The following SEL1L3 variants were observed in gnomAD, a reference collection of about 807,000 sequenced individuals.
The protein encoded by SEL1L3 is SEL1L family member 3.
A neutral mutation model predicts 142.8 loss-of-function variants in SEL1L3; 76 were observed. The ratio of observed to expected loss-of-function variants is 0.53; its 90% CI spans 0.44 to 0.64. SEL1L3 has a LOEUF of 0.64. SEL1L3 is among the 30% of genes least tolerant of loss of function. The pLI, the probability that SEL1L3 is intolerant of heterozygous loss-of-function variation, is 0.00. For synonymous variants in SEL1L3, 504 were observed against 519.6 expected (o/e 0.97, Z 0.41); for missense variants, 1,262 against 1,381.7 (o/e 0.91, Z 1.37).
chr4:25,805,330 T>C (rs1341824332), intron 9 of SEL1L3, among the ~76,000 whole-genome samples: 2 of 152,200 alleles, frequency 1.3e-5, no homozygotes. Flanking sequence ...GGTACACTTT[T>C]ATAAGGTCGG....
At chr4:25,772,183 C>T (rs956764745) in intron 17 of SEL1L3, among the ~76,000 whole-genome samples, 7 of 152,152 alleles carry the variant, frequency 4.6e-5, no homozygotes, top group Admixed American at 2.6e-4. Context: ...GGCTTGAAAG[C>T]TTGGAGAGCA....
rs71184268 is a variant in SEL1L3, at chr4:25,846,912, CAA to C, written c.733+380_733+381del. 4.2e-4 allele frequency among the ~76,000 whole-genome samples: 30 copies of C among 71,796 alleles called. No homozygotes were observed. The East Asian group carries it at 9.7e-3, about 23-fold the overall frequency. The allele number at this position is 71,796 out of a possible 152,430, so 47.1% of individuals were successfully genotyped here. On this transcript the variant is annotated intron_variant, in intron 2 of 23. Transcript: ENST00000399878. Reference sequence around the variant, plus strand: ...TGGGCAACAGAACAAGACTCCATCTCAAAAAAAAAAAAAAAAAAAAAAGAGGA... The same window carrying C: ...TGGGCAACAGAACAAGACTCCATCTCAAAAAAAAAAAAAAAAAAAAGAGGA...
At chr4:25,784,018 C>T (rs953731243) in intron 14 of SEL1L3, among the ~76,000 whole-genome samples, 14 of 152,160 alleles carry the variant, frequency 9.2e-5, no homozygotes, top group Non-Finnish European at 1.9e-4. Context: ...AATTTTGCTG[C>T]CCCCATTGTG....
At chr4:25,761,130 G>A (rs1430726736) in intron 20 of SEL1L3, among the ~76,000 whole-genome samples, 1 of 152,128 alleles carries the variant, frequency 6.6e-6, no homozygotes, top group Non-Finnish European at 1.5e-5. Context: ...CTCTTTGAAA[G>A]GAAGGCACTC....
intron 6 of SEL1L3, among the ~76,000 whole-genome samples, chr4:25,827,885 A>G (rs1577666336): frequency 6.6e-6 from 1 of 150,608 alleles, no homozygotes; most frequent in African/African-American, 2.4e-5. Context: ...TGAAACAAAA[A>G]CCTTTAATTT....
intron 11 of SEL1L3, among the ~76,000 whole-genome samples, chr4:25,792,108 G>C (rs1004059812): frequency 6.6e-6 from 1 of 152,140 alleles, no homozygotes; most frequent in African/African-American, 2.4e-5. Flanking sequence ...GCTAACCTGA[G>C]GAGGCCACCA....
rs59037721 is a variant in SEL1L3 at position 25,759,163 on chromosome 4, AT to A, written c.2956-96del. 3.3e-3 allele frequency: 4,589 copies of A among 1,399,924 alleles called. 110 individuals carry two copies. In the African/African-American group the frequency reaches 0.051, roughly 16 times the overall value. 86.7% of individuals were successfully genotyped at this position (1,399,924 alleles called of 1,614,324 possible). ...AATGTAAATGTTTACAACCTCTAAA[AT>A]TTTTTTTAAGTCTCTAGAGCCAGAT... On this transcript the variant is annotated intron_variant, in intron 20 of 23. Transcript: ENST00000399878.
chr4:25,730,517 A>G, the SEL1L3 span, among the ~76,000 whole-genome samples: 1 of 152,058 alleles, frequency 6.6e-6, no homozygotes, highest in Non-Finnish European at 1.5e-5. Flanking sequence ...CATACGCACA[A>G]TTCCTCTGTA....
chr4:25,860,545 C>T (rs1200313733), intron 1 of SEL1L3: 1 of 152,206 alleles, frequency 6.6e-6, no homozygotes, highest in Non-Finnish European at 1.5e-5. Flanking sequence ...AGTGTAGACC[C>T]AAGAGCAACA....
chr4:25,855,779 T>C (rs112777310), intron 1 of SEL1L3, among the ~76,000 whole-genome samples: 6,108 of 151,464 alleles, frequency 0.04, 411 homozygotes, highest in African/African-American at 0.14. Flanking sequence ...AAAAAAGCAC[T>C]GGGCATGGGC....
Position 25,790,439 on chromosome 4 carries a change from T to A in SEL1L3, c.2076+16A>T. The stretch of plus-strand genomic sequence containing the variant: ...ATGGCTGACAGAATCCCCAAGACAG[T>A]AGCCTGCGTTTTTACCTGAGCTGCT... On this transcript the variant is annotated intron_variant, in intron 12 of 23. Transcript: ENST00000399878. 1 of 1,613,298 alleles carries A rather than the reference T, an allele frequency of 6.2e-7. No homozygotes were observed. Among genetic ancestry groups the A allele is most frequent in the Non-Finnish European group, 8.5e-7 (1 of 1,179,388 alleles).
At chr4:25,731,911 A>G in the SEL1L3 span, among the ~76,000 whole-genome samples, 2 of 152,062 alleles carry the variant, frequency 1.3e-5, no homozygotes, top group East Asian at 1.9e-4. Flanking sequence ...CATCTCTACT[A>G]AAAATACAAA....
At chr4:25,834,172 C>A (rs1715620864) in intron 3 of SEL1L3, among the ~76,000 whole-genome samples, 1 of 152,204 alleles carries the variant, frequency 6.6e-6, no homozygotes, top group Non-Finnish European at 1.5e-5. Context: ...CATTCCTGGA[C>A]TGGGGCTATT....
chr4:25,847,836 G>C lies in SEL1L3; in HGVS notation c.191C>G (p.Thr64Ser). ...GGGTATCACTGATGTCGTCAGGGAA[G>C]TCTGCCTACCCAAAGATGGTACAAC... ...LNVVPSLGRQTSLTTSVIPKA... is the reference protein window; with the variant it reads ...LNVVPSLGRQSSLTTSVIPKA... The change falls in exon 2 of 24, where the codon ACT (threonine) becomes AGT (serine). Residue 64 changes from threonine to serine, a missense_variant. Thr to Ser is a moderately conservative substitution (Grantham distance 58, BLOSUM62 1). Around this residue, in one of 3 missense-constraint regions of SEL1L3, gnomAD observed 689 missense variants for 692.8 expected, o/e 0.99. Coordinates refer to ENST00000399878, the MANE Select transcript of SEL1L3 (RefSeq NM_015187.5). 1 of 1,584,266 alleles carries C rather than the reference G, an allele frequency of 6.3e-7. No individual in the cohort carries two copies. The highest frequency in any genetic ancestry group is 8.6e-7 in the Non-Finnish European group (1 of 1,167,440).
At chr4:25,801,017 G>A (rs910437587) in intron 11 of SEL1L3, among the ~76,000 whole-genome samples, 1 of 152,228 alleles carries the variant, frequency 6.6e-6, no homozygotes, top group African/African-American at 2.4e-5. Context: ...CCAGGGGTCT[G>A]GTTCCCAGTC....
At chr4:25,856,657 C>A (rs1717289423) in intron 1 of SEL1L3, among the ~76,000 whole-genome samples, 2 of 150,032 alleles carry the variant, frequency 1.3e-5, no homozygotes, top group African/African-American at 4.9e-5. Flanking sequence ...TAGAAGACCC[C>A]AAATAGGAGA....
At chr4:25,734,457 G>A in the SEL1L3 span, among the ~76,000 whole-genome samples, 13 of 152,158 alleles carry the variant, frequency 8.5e-5, no homozygotes, top group African/African-American at 1.9e-4. Flanking sequence ...TAATTATATC[G>A]ATTGGTTTTA....
chr4:25,833,496 C>A lies in SEL1L3; in HGVS notation c.934G>T (p.Asp312Tyr). 1.2e-6 allele frequency: 2 copies of A among 1,612,990 alleles called. No homozygotes were observed. The highest frequency in any genetic ancestry group is 2.2e-5 in the South Asian group (2 of 91,040). The change falls in exon 4 of 24, where the codon GAC (aspartate) becomes TAC (tyrosine). Residue 312 changes from aspartate to tyrosine, a missense_variant. This residue lies in a region of SEL1L3 where 689 missense variants were observed against 692.8 expected (regional missense o/e 0.99). Transcript: ENST00000399878. ...GGTGTGCCGTACATCTCATTAGAGT[C>A]AACAAAGTACAGAATCCCACAGAGG... ...ANLCGILYFVDSNEMYGTPSV... is the reference protein window; with the variant it reads ...ANLCGILYFVYSNEMYGTPSV...
At chr4:25,748,689 T>A in intron 23 of SEL1L3, 125 bp from the exon 24 acceptor site, 2 of 911,284 alleles carry the variant, frequency 2.2e-6, no homozygotes, top group Non-Finnish European at 3.2e-6. Context: ...TGACACTAAC[T>A]AGCCAGGCAA....
Sources: gnomAD v4.1 joint callset for allele counts (sites outside exome capture counted in the v4.1 genomes callset) on GRCh38, gnomAD v4.1.1 for gene constraint, gnomAD v4.1.1 regional missense constraint, MANE v1.5 for transcripts, NCBI Gene and HGNC (gene_info 2026-07-23, HGNC 2026-07-21) for gene names.